The following EXOC4 variants were observed in gnomAD, a reference collection of about 807,000 sequenced individuals.
EXOC4 encodes the protein SEC8-like 1.
Under a neutral mutation model 107.2 loss-of-function variants are expected in EXOC4, and 71 were observed. The ratio of observed to expected loss-of-function variants is 0.66; its 90% CI spans 0.55 to 0.81. The LOEUF (loss-of-function observed/expected upper bound fraction) is 0.81, where lower values mean the gene tolerates loss of function less well. Among genes scored for constraint, EXOC4 ranks in the 30% least tolerant of loss-of-function variants. The pLI is 0.00. For missense variants in EXOC4, 1,108 were observed against 1,189.6 expected (o/e 0.93, Z 1.01); for synonymous variants, 456 against 441.2 (o/e 1.03, Z -0.42).
At chr7:133,925,774 G>A (rs763158857) in intron 13 of EXOC4, among the ~76,000 whole-genome samples, 8 of 151,934 alleles carry the variant, frequency 5.3e-5, no homozygotes, top group African/African-American at 9.7e-5. Context: ...AATTAAGATT[G>A]TGCCTGTAAT....
intron 5 of EXOC4, among the ~76,000 whole-genome samples, chr7:133,352,310 A>G (rs1056452141): frequency 1.3e-5 from 2 of 151,920 alleles, no homozygotes; most frequent in African/African-American, 4.8e-5. Flanking sequence ...TCTGCCTTCA[A>G]TTCTGTCAGT....
chr7:133,908,364 G>A (rs951683865), intron 12 of EXOC4, among the ~76,000 whole-genome samples: 1 of 152,246 alleles, frequency 6.6e-6, no homozygotes, highest in African/African-American at 2.4e-5. Flanking sequence ...AGGCCACAGA[G>A]CATAAAGTGG....
At chr7:133,658,169 C>T (rs895934689) in intron 10 of EXOC4, among the ~76,000 whole-genome samples, 12 of 151,996 alleles carry the variant, frequency 7.9e-5, no homozygotes, top group Admixed American at 3.9e-4. Context: ...TGTGCCAAGG[C>T]GGTAAGAAAA....
chr7:133,889,334 A>T (rs1233086982), intron 11 of EXOC4, among the ~76,000 whole-genome samples: 1 of 151,706 alleles, frequency 6.6e-6, no homozygotes, highest in Non-Finnish European at 1.5e-5. Context: ...GCGCTGTGTA[A>T]GATACTTATT....
intron 10 of EXOC4, among the ~76,000 whole-genome samples, chr7:133,804,858 C>T (rs1019253785): frequency 6.6e-6 from 1 of 152,046 alleles, no homozygotes; most frequent in Admixed American, 6.6e-5. Flanking sequence ...TTCCTTTCAC[C>T]ATCTTTCTTC....
At chr7:133,720,157 C>CTAA (rs1795078557) in intron 10 of EXOC4, among the ~76,000 whole-genome samples, 1 of 152,106 alleles carries the variant, frequency 6.6e-6, no homozygotes, top group African/African-American at 2.4e-5. Flanking sequence ...TGAAATAATG[C>CTAA]TAAGCGTGGG....
At chr7:133,604,603 G>T (rs1295037521) in intron 9 of EXOC4, among the ~76,000 whole-genome samples, 2 of 149,458 alleles carry the variant, frequency 1.3e-5, no homozygotes, top group African/African-American at 2.5e-5. Context: ...TCTTTTCTTT[G>T]AGTTCTGAAC....
At chr7:133,386,088 A>G (rs1339273041) in intron 7 of EXOC4, among the ~76,000 whole-genome samples, 2 of 152,132 alleles carry the variant, frequency 1.3e-5, no homozygotes, top group Non-Finnish European at 2.9e-5. Flanking sequence ...GTGGATTTCA[A>G]GTTTAAAAGA....
At chr7:133,651,574 A>G (rs913310425) in intron 10 of EXOC4, among the ~76,000 whole-genome samples, 2 of 152,232 alleles carry the variant, frequency 1.3e-5, no homozygotes, top group Admixed American at 6.5e-5. Context: ...CAGGATTCCA[A>G]GATACAGATT....
intron 11 of EXOC4, among the ~76,000 whole-genome samples, chr7:133,883,587 G>A (rs1799014155): frequency 3.3e-5 from 5 of 151,732 alleles, no homozygotes; most frequent in Admixed American, 2.0e-4. Flanking sequence ...AGATTGCAAT[G>A]AGCTATGATC....
chr7:133,433,295 A>G (rs1354255162), intron 7 of EXOC4, among the ~76,000 whole-genome samples: 1 of 152,146 alleles, frequency 6.6e-6, no homozygotes, highest in African/African-American at 2.4e-5. Context: ...CTGTTTCGTC[A>G]TCCAATTGCT....
At chr7:133,650,791 A>G (rs965774028) in intron 10 of EXOC4, among the ~76,000 whole-genome samples, 2 of 152,172 alleles carry the variant, frequency 1.3e-5, no homozygotes, top group Non-Finnish European at 2.9e-5. Context: ...TACTAACTGT[A>G]CAATAACTGC....
At chr7:133,389,565 C>A (rs1431939783) in intron 7 of EXOC4, among the ~76,000 whole-genome samples, 1 of 76,918 alleles carries the variant, frequency 1.3e-5, no homozygotes, top group Admixed American at 2.2e-4. Flanking sequence ...AAGAGTGAAA[C>A]TCCTCAAAAA....
At chr7:133,731,549 TAAATA>T (rs1795326546) in intron 10 of EXOC4, among the ~76,000 whole-genome samples, 1 of 152,038 alleles carries the variant, frequency 6.6e-6, no homozygotes, top group South Asian at 2.1e-4. Context: ...AATAAAGAGA[TAAATA>T]AAATAGTAAC....
At chr7:133,819,975 T>A (rs760840466) in intron 11 of EXOC4, among the ~76,000 whole-genome samples, 5 of 152,324 alleles carry the variant, frequency 3.3e-5, no homozygotes, top group South Asian at 2.1e-4. Context: ...ATTTTGTACA[T>A]GTTACTGTGC....
intron 10 of EXOC4, among the ~76,000 whole-genome samples, chr7:133,755,688 T>G (rs1795902581): frequency 6.6e-6 from 1 of 152,062 alleles, no homozygotes; most frequent in South Asian, 2.1e-4. Context: ...CAGTAACACC[T>G]AATTCCATCT....
chr7:133,612,112 A>G (rs1459019168), intron 9 of EXOC4, among the ~76,000 whole-genome samples: 2 of 152,292 alleles, frequency 1.3e-5, no homozygotes, highest in South Asian at 2.1e-4. Flanking sequence ...GACATGGGAA[A>G]ACACTTAGGA....
intron 10 of EXOC4, among the ~76,000 whole-genome samples, chr7:133,666,211 C>T (rs1793809481): frequency 6.6e-6 from 1 of 152,160 alleles, no homozygotes; most frequent in South Asian, 2.1e-4. Context: ...CCATTTTCTC[C>T]ATCCTTTAAT....
At chr7:133,338,972 G>C (rs1373927266) in intron 5 of EXOC4, among the ~76,000 whole-genome samples, 1 of 151,982 alleles carries the variant, frequency 6.6e-6, no homozygotes, top group Non-Finnish European at 1.5e-5. Context: ...GGCTGGTCTC[G>C]AACTCCAGAC....
Sources: gnomAD v4.1 joint callset for allele counts (sites outside exome capture counted in the v4.1 genomes callset) on GRCh38, gnomAD v4.1.1 for gene constraint, MANE v1.5 for transcripts, NCBI Gene and HGNC (gene_info 2026-07-23, HGNC 2026-07-21) for gene names.